The following DLG2 variants were observed in gnomAD, a reference collection of about 807,000 sequenced individuals.
DLG2 encodes disks large homolog 2.
DLG2 carries 45 observed loss-of-function variants against 132.5 expected under a neutral mutation model. The observed-to-expected ratio is 0.34, with a 90% confidence interval of 0.27 to 0.44. The LOEUF is 0.44. Among genes scored for constraint, DLG2 ranks in the 20% least tolerant of loss-of-function variants. DLG2 has a pLI of 1.00. For synonymous variants in DLG2, 424 were observed against 419.6 expected, an observed-to-expected ratio of 1.01 and a Z score of -0.13; for missense variants, 1,045 against 1,196.9, an observed-to-expected ratio of 0.87 and a Z score of 1.87.
intron 18 of DLG2, among the ~76,000 whole-genome samples, chr11:83,764,961 G>A (rs1288520162): frequency 2.0e-5 from 3 of 152,130 alleles, no homozygotes; most frequent in East Asian, 3.9e-4. Flanking sequence ...AGAGATGGCC[G>A]GCACACTCTC....
chr11:84,036,968 G>A (rs1361493152), intron 11 of DLG2, among the ~76,000 whole-genome samples: 1 of 152,102 alleles, frequency 6.6e-6, no homozygotes, highest in Non-Finnish European at 1.5e-5. Flanking sequence ...TGATCTAATG[G>A]AGCCATCAGG....
Position 83,562,341 on chromosome 11 carries a change from T to C in DLG2, c.1941-20483A>G, listed in dbSNP as rs111686974. 1.9e-3 allele frequency among the ~76,000 whole-genome samples: 285 copies of C among 152,276 alleles called. 2 individuals are homozygous for C. Among genetic ancestry groups the C allele is most frequent in the African/African-American group, 6.5e-3 (271 of 41,554 alleles). On this transcript the variant is annotated intron_variant, in intron 19 of 27. Coordinates refer to ENST00000376104, the MANE Select transcript of DLG2 (RefSeq NM_001142699.3). ...CATGACACTAAGGGAGCATCTGTGG[T>C]GCACTGAGACTCACCCCTTGCAACA...
chr11:83,674,337 T>C (rs1164555809), intron 18 of DLG2, among the ~76,000 whole-genome samples: 1 of 152,220 alleles, frequency 6.6e-6, no homozygotes, highest in Non-Finnish European at 1.5e-5. Flanking sequence ...GCATCTTTGA[T>C]ACTTCTTTGG....
At chr11:84,244,165 G>A (rs1486847557) in intron 8 of DLG2, among the ~76,000 whole-genome samples, 1 of 152,082 alleles carries the variant, frequency 6.6e-6, no homozygotes, top group African/African-American at 2.4e-5. Flanking sequence ...CCCAGACCTA[G>A]TGAATCAGAA....
intron 8 of DLG2, among the ~76,000 whole-genome samples, chr11:84,238,042 T>TAAAAAAAAAAAAAAAAAAAA (rs71036414): frequency 9.6e-5 from 7 of 73,108 alleles, no homozygotes; most frequent in African/African-American, 1.6e-4. Flanking sequence ...AGACTCTGCC[T>TAAAAAAAAAAAAAAAAAAAA]AAAAAAAAAA....
intron 9 of DLG2, among the ~76,000 whole-genome samples, chr11:84,131,320 A>T (rs930348737): frequency 2.6e-5 from 4 of 152,012 alleles, no homozygotes; most frequent in Admixed American, 6.6e-5. Context: ...TTCTAATGGT[A>T]AATATGCCAT....
chr11:85,288,035 G>A (rs920732717), intron 3 of DLG2, among the ~76,000 whole-genome samples: 2 of 152,068 alleles, frequency 1.3e-5, no homozygotes, highest in African/African-American at 4.8e-5. Context: ...AAGGAAGTGG[G>A]ATAAGGAAAG....
chr11:84,951,689 T>G (rs1478663317), intron 6 of DLG2, among the ~76,000 whole-genome samples: 1 of 150,418 alleles, frequency 6.6e-6, no homozygotes, highest in Non-Finnish European at 1.5e-5. Flanking sequence ...TATATATGCA[T>G]TCTATATATA....
intron 14 of DLG2, among the ~76,000 whole-genome samples, chr11:83,957,982 G>A (rs1380027287): frequency 1.3e-5 from 2 of 152,016 alleles, no homozygotes; most frequent in African/African-American, 4.8e-5. Flanking sequence ...TACTTCCTTT[G>A]TAGCACTTAG....
At chr11:84,388,120 A>G (rs2098778309) in intron 7 of DLG2, among the ~76,000 whole-genome samples, 1 of 152,224 alleles carries the variant, frequency 6.6e-6, no homozygotes, top group South Asian at 2.1e-4. Flanking sequence ...ATAATAACAA[A>G]CAGCCTCACT....
chr11:83,876,810 A>G (rs969300996), intron 15 of DLG2, among the ~76,000 whole-genome samples: 4 of 152,160 alleles, frequency 2.6e-5, no homozygotes, highest in Non-Finnish European at 5.9e-5. Flanking sequence ...ATATATACAG[A>G]AACATATGTA....
At chr11:85,473,855 A>C (rs1012110610) in intron 3 of DLG2, among the ~76,000 whole-genome samples, 1 of 152,036 alleles carries the variant, frequency 6.6e-6, no homozygotes, top group Non-Finnish European at 1.5e-5. Context: ...AAAAGGAAGA[A>C]AGAATAAAGA....
At chr11:85,545,967 G>A (rs747816890) in intron 3 of DLG2, among the ~76,000 whole-genome samples, 2 of 151,968 alleles carry the variant, frequency 1.3e-5, no homozygotes, top group Non-Finnish European at 2.9e-5. Context: ...ATTTTATGTA[G>A]GGTTTTTTGT....
At chr11:84,227,525 T>A (rs1405695180) in intron 8 of DLG2, among the ~76,000 whole-genome samples, 1 of 152,232 alleles carries the variant, frequency 6.6e-6, no homozygotes, top group Admixed American at 6.5e-5. Context: ...TTGTTCACAA[T>A]AATCTTATAT....
At chr11:85,358,706 A>T (rs912418817) in intron 3 of DLG2, among the ~76,000 whole-genome samples, 15 of 152,228 alleles carry the variant, frequency 9.9e-5, no homozygotes, top group African/African-American at 3.6e-4. Context: ...CTGGAACCAA[A>T]CACTGAATCT....
intron 11 of DLG2, among the ~76,000 whole-genome samples, chr11:84,038,518 A>C (rs536042676): frequency 6.6e-6 from 1 of 152,096 alleles, no homozygotes; most frequent in Non-Finnish European, 1.5e-5. Context: ...TTGCTTATTA[A>C]AAATAATGTA....
chr11:83,917,883 T>C (rs1702114695), intron 15 of DLG2, among the ~76,000 whole-genome samples: 1 of 152,206 alleles, frequency 6.6e-6, no homozygotes, highest in East Asian at 1.9e-4. Context: ...CAGTTATTAC[T>C]AGAGGAAAAT....
intron 6 of DLG2, among the ~76,000 whole-genome samples, chr11:84,677,141 G>A (rs2099714472): frequency 6.6e-6 from 1 of 152,018 alleles, no homozygotes; most frequent in Non-Finnish European, 1.5e-5. Context: ...TAAATTTTCG[G>A]GGATGGAAAT....
chr11:84,165,122 C>G (rs1335231680), intron 8 of DLG2, among the ~76,000 whole-genome samples: 1 of 152,152 alleles, frequency 6.6e-6, no homozygotes, highest in Non-Finnish European at 1.5e-5. Context: ...TAACGAGATA[C>G]ATTTTCATTC....
Sources: allele counts gnomAD v4.1 joint callset (sites outside exome capture counted in the v4.1 genomes callset), GRCh38; gene constraint gnomAD v4.1.1; transcripts MANE v1.5; gene names NCBI Gene and HGNC (gene_info 2026-07-23, HGNC 2026-07-21).